Variants in SUGCT observed in about 807,000 individuals in gnomAD.
The protein encoded by SUGCT is succinyl-CoA:glutarate CoA-transferase.
Under a neutral mutation model 55.0 loss-of-function variants are expected in SUGCT, and 41 were observed. The observed-to-expected ratio is 0.74, with a 90% CI of 0.58 to 0.97. SUGCT has a LOEUF of 0.97. Among genes scored for constraint, SUGCT ranks in the 50% least tolerant of loss-of-function variants. The pLI, the probability that SUGCT is intolerant of heterozygous loss-of-function variation, is 0.00. For missense variants in SUGCT, 568 were observed against 547.8 expected (o/e 1.04, Z -0.37); for synonymous variants, 187 against 200.4 (o/e 0.93, Z 0.56).
chr7:40,421,749 A>G (rs187028840), intron 9 of SUGCT, among the ~76,000 whole-genome samples: 9 of 152,198 alleles, frequency 5.9e-5, no homozygotes, highest in African/African-American at 1.7e-4. Flanking sequence ...ACTAAGTGGT[A>G]AAAAAATGCT....
At chr7:40,550,900 G>C (rs1386620142) in intron 12 of SUGCT, among the ~76,000 whole-genome samples, 1 of 151,984 alleles carries the variant, frequency 6.6e-6, no homozygotes, top group African/African-American at 2.4e-5. Context: ...TCCTCTTCTG[G>C]CTACAAAATC....
chr7:40,744,514 A>G (rs1584374131), intron 12 of SUGCT, among the ~76,000 whole-genome samples: 2 of 150,706 alleles, frequency 1.3e-5, no homozygotes. Context: ...AAGCTTTTCC[A>G]TTTTTTTTTG....
the SUGCT span, among the ~76,000 whole-genome samples, chr7:41,022,037 C>T: frequency 5.9e-5 from 9 of 151,890 alleles, no homozygotes; most frequent in Non-Finnish European, 1.0e-4. Flanking sequence ...AGCCAATATT[C>T]AAAAAGATAA....
At chr7:40,841,748 A>C (rs1053653261) in intron 13 of SUGCT, among the ~76,000 whole-genome samples, 1 of 152,204 alleles carries the variant, frequency 6.6e-6, no homozygotes, top group Non-Finnish European at 1.5e-5. Flanking sequence ...CTTCCCACTC[A>C]GCATGGGCTG....
chr7:40,344,495 G>T (rs1376566801), intron 9 of SUGCT, among the ~76,000 whole-genome samples: 1 of 152,074 alleles, frequency 6.6e-6, no homozygotes, highest in Non-Finnish European at 1.5e-5. Context: ...TTTTTGACAC[G>T]TGAAATTCAA....
chr7:40,195,139 C>T, intron 6 of SUGCT, 79 bp downstream of exon 6: 4 of 1,296,602 alleles, frequency 3.1e-6, no homozygotes, highest in Non-Finnish European at 9.9e-7. Flanking sequence ...AAACCTTTTG[C>T]TGGCTTTTTT....
intron 12 of SUGCT, among the ~76,000 whole-genome samples, chr7:40,548,086 G>T (rs1320044763): frequency 6.6e-6 from 1 of 151,180 alleles, no homozygotes; most frequent in Non-Finnish European, 1.5e-5. Context: ...ATTTCATTTA[G>T]TGACCTCAGT....
chr7:40,841,654 A>G (rs972238890), intron 13 of SUGCT, among the ~76,000 whole-genome samples: 3 of 152,206 alleles, frequency 2.0e-5, no homozygotes, highest in African/African-American at 7.2e-5. Flanking sequence ...ATTTATAAGA[A>G]ATGATACATT....
At chr7:40,835,803 A>G (rs1792935993) in intron 13 of SUGCT, among the ~76,000 whole-genome samples, 2 of 151,806 alleles carry the variant, frequency 1.3e-5, no homozygotes, top group South Asian at 4.2e-4. Context: ...CTATCCCCCA[A>G]TTGCCAGATC....
chr7:40,576,625 C>T (rs1043543197), intron 12 of SUGCT, among the ~76,000 whole-genome samples: 4 of 152,160 alleles, frequency 2.6e-5, no homozygotes, highest in Non-Finnish European at 4.4e-5. Context: ...GTAAACCCGA[C>T]CAGAGGCAAG....
chr7:40,157,897 C>G (rs1273334029), intron 1 of SUGCT, among the ~76,000 whole-genome samples: 5 of 152,156 alleles, frequency 3.3e-5, no homozygotes, highest in African/African-American at 9.7e-5. Context: ...GAGTCAAATT[C>G]TACTGCTTCA....
chr7:40,723,031 T>C (rs374614106), intron 12 of SUGCT, among the ~76,000 whole-genome samples: 2 of 152,222 alleles, frequency 1.3e-5, no homozygotes, highest in South Asian at 4.1e-4. Flanking sequence ...TGGCAGAGTT[T>C]TCATGAACAT....
intron 12 of SUGCT, among the ~76,000 whole-genome samples, chr7:40,666,888 C>T (rs996958269): frequency 6.6e-6 from 1 of 151,974 alleles, no homozygotes; most frequent in Non-Finnish European, 1.5e-5. Context: ...GAGCACTTTG[C>T]GAGGCTGAGC....
At chr7:40,821,432 C>T (rs1791994958) in intron 13 of SUGCT, among the ~76,000 whole-genome samples, 1 of 152,152 alleles carries the variant, frequency 6.6e-6, no homozygotes, top group Non-Finnish European at 1.5e-5. Flanking sequence ...ATTATTGCCT[C>T]AATTTTAGAG....
chr7:40,868,691 A>G, the SUGCT span, among the ~76,000 whole-genome samples: 4 of 152,092 alleles, frequency 2.6e-5, no homozygotes, highest in African/African-American at 9.7e-5. Flanking sequence ...GACTACAGGC[A>G]TGCACCACCA....
the SUGCT span, among the ~76,000 whole-genome samples, chr7:40,973,038 A>G: frequency 6.6e-5 from 10 of 152,304 alleles, no homozygotes; most frequent in East Asian, 1.9e-3. Flanking sequence ...TCTCATTTGT[A>G]TTAACAGGGA....
chr7:40,876,505 T>C, the SUGCT span, among the ~76,000 whole-genome samples: 1 of 152,346 alleles, frequency 6.6e-6, no homozygotes, highest in East Asian at 1.9e-4. Context: ...TAGAAAGTTA[T>C]TTAAATACTT....
chr7:40,697,392 T>C (rs933511785), intron 12 of SUGCT, among the ~76,000 whole-genome samples: 2 of 152,154 alleles, frequency 1.3e-5, no homozygotes, highest in African/African-American at 4.8e-5. Context: ...CCCAGCACTT[T>C]GGGAGGCTGA....
chr7:40,695,754 T>C (rs538671448), intron 12 of SUGCT, among the ~76,000 whole-genome samples: 58 of 152,268 alleles, frequency 3.8e-4, no homozygotes, highest in Middle Eastern at 6.8e-3. Context: ...TTATGGGGGC[T>C]GTCTTGTGCA....
Sources: gnomAD v4.1 joint callset for allele counts (sites outside exome capture counted in the v4.1 genomes callset) on GRCh38, gnomAD v4.1.1 for gene constraint, MANE v1.5 for transcripts, NCBI Gene and HGNC (gene_info 2026-07-23, HGNC 2026-07-21) for gene names.